Variants in PLD3 observed in about 807,000 individuals in gnomAD.
PLD3 encodes the protein 5'-3' exonuclease PLD3.
In PLD3, 31 loss-of-function variants were observed where a neutral mutation model predicts 58.4. The observed-to-expected ratio is 0.53, with a 90% confidence interval of 0.40 to 0.72. The LOEUF is 0.72. PLD3 is among the 30% of genes least tolerant of loss of function. The pLI, the probability that PLD3 is intolerant of heterozygous loss-of-function variation, is 0.00. For synonymous variants in PLD3, 264 were observed against 273.4 expected (o/e 0.97, Z 0.34); for missense variants, 595 against 659.8 (o/e 0.90, Z 1.08).
chr19:40,348,838 G>T (rs1263540866), intron 1 of PLD3, 70 bp downstream of exon 1: 2 of 175,444 alleles, frequency 1.1e-5, no homozygotes, highest in Admixed American at 1.3e-4. Context: ...TATAATGCAT[G>T]GAATATAATA....
rs888103351 is a variant in PLD3 at position 40,377,772 on chromosome 19, C to T, written c.1186-14C>T. On this transcript the variant is annotated splice_polypyrimidine_tract_variant and intron_variant, in intron 11 of 12. Transcript: ENST00000409735. ...TGCCTCTCACACTCCTTCCCATCCTCCCCTCCCACTCAGAAACTCTTTGTG... is the reference window on the plus strand; with the variant it reads ...TGCCTCTCACACTCCTTCCCATCCTTCCCTCCCACTCAGAAACTCTTTGTG... The T allele has an allele frequency of 1.9e-6, 3 of 1,603,630 alleles. No individual in the cohort carries two copies. The highest frequency in any genetic ancestry group is 2.7e-5 in the African/African-American group (2 of 74,620).
intron 1 of PLD3, among the ~76,000 whole-genome samples, chr19:40,353,146 T>A (rs1232469352): frequency 2.0e-5 from 3 of 152,052 alleles, no homozygotes; most frequent in Non-Finnish European, 4.4e-5. Context: ...AACTGAGCTC[T>A]GGGTTCAAAT....
chr19:40,369,122 C>A (rs2079002391), intron 6 of PLD3, among the ~76,000 whole-genome samples: 1 of 151,984 alleles, frequency 6.6e-6, no homozygotes, highest in Non-Finnish European at 1.5e-5. Flanking sequence ...GAAACCCTGT[C>A]TCTAAAAAAA....
chr19:40,376,811 T>C, intron 11 of PLD3, 37 bp downstream of exon 11: 1 of 1,579,762 alleles, frequency 6.3e-7, no homozygotes. Context: ...GGCCCCTGTG[T>C]GGGGCAGTCC....
At chr19:40,354,746 G>A (rs1427165275) in intron 1 of PLD3, among the ~76,000 whole-genome samples, 2 of 150,542 alleles carry the variant, frequency 1.3e-5, no homozygotes, top group African/African-American at 2.5e-5. Flanking sequence ...GGCTGGTCTC[G>A]AGCTCCTGAC....
At chr19:40,369,133 A>T (rs1317596349) in intron 6 of PLD3, among the ~76,000 whole-genome samples, 1 of 151,922 alleles carries the variant, frequency 6.6e-6, no homozygotes, top group African/African-American at 2.4e-5. Context: ...TCTAAAAAAA[A>T]ATTTTTTTAT....
chr19:40,368,275 C>T (rs930004907), intron 6 of PLD3, among the ~76,000 whole-genome samples: 2 of 152,170 alleles, frequency 1.3e-5, no homozygotes, highest in Non-Finnish European at 2.9e-5. Flanking sequence ...GCTTCAGTTT[C>T]TTTATCTGTA....
intron 1 of PLD3, among the ~76,000 whole-genome samples, chr19:40,353,873 T>C (rs1056602519): frequency 2.8e-4 from 43 of 151,460 alleles, no homozygotes; most frequent in Middle Eastern, 3.4e-3. Flanking sequence ...CCACCACACC[T>C]GGCCCTACCA....
chr19:40,373,190 C>A (rs2079108120), intron 9 of PLD3, among the ~76,000 whole-genome samples: 1 of 152,204 alleles, frequency 6.6e-6, no homozygotes, highest in South Asian at 2.1e-4. Context: ...TCATTGGGGT[C>A]TTTCACTACA....
rs778869175 is a variant in PLD3, at chr19:40,374,490, C to T, written c.889C>T (p.Pro297Ser). Residue 297 changes from proline to serine, a missense_variant, in exon 10 of 13, where the codon CCA becomes TCA. By Grantham distance (74) the Pro-to-Ser change is moderately conservative (BLOSUM62 -1). Coordinates refer to ENST00000409735, the MANE Select transcript of PLD3 (RefSeq NM_012268.4). The part of the protein sequence containing the change: ...PALAYLASAP[P>S]PLCPSGRTPD... ...GTCCCCTCGCCCTCAGAGTGCGCCC[C>T]CACCCCTGTGTCCAAGTGGCCGCAC... 1 of 1,613,992 alleles carries T rather than the reference C, an allele frequency of 6.2e-7. No individual in the cohort carries two copies. The highest frequency in any genetic ancestry group is 1.3e-5 in the African/African-American group (1 of 74,906).
intron 1 of PLD3, chr19:40,356,696 C>A (rs187008647): frequency 8.5e-5 from 13 of 152,572 alleles, no homozygotes; most frequent in African/African-American, 2.9e-4. Flanking sequence ...AAGGAGGTAT[C>A]TGGGGGGCCC....
chr19:40,369,335 C>T (rs560329697), intron 6 of PLD3, among the ~76,000 whole-genome samples: 1 of 152,074 alleles, frequency 6.6e-6, no homozygotes, highest in African/African-American at 2.4e-5. Flanking sequence ...GAAGATCAGC[C>T]TGGGCAACAT....
rs183324923 is a variant in PLD3, at chr19:40,352,721, G to A, written c.-279+3953G>A. 1.8e-3 allele frequency among the ~76,000 whole-genome samples: 281 copies of A among 152,304 alleles called. 2 individuals are homozygous for A. The highest frequency in any genetic ancestry group is 6.6e-3 in the African/African-American group (275 of 41,562). ...CTTATGCCTGTAATCCCAGCACTTT[G>A]AGAGGTTGAGGTAGGCAGATCACTT... On this transcript the variant is annotated intron_variant, in intron 1 of 12. Transcript: ENST00000409735.
At position 40,367,759 on chromosome 19, in the gene PLD3, T is replaced by G; in HGVS notation, c.309T>G (p.Pro103=). Residue 103 remains proline, a synonymous_variant, in exon 6 of 13, where the codon CCT becomes CCG. Coordinates refer to ENST00000409735, the MANE Select transcript of PLD3 (RefSeq NM_012268.4). Reference sequence around the variant, plus strand: ...TCCCCAATGCCTCCACGGGGAACCCTTCCACCAGCCAGGCCTGGCTGGGCC... The same window carrying G: ...TCCCCAATGCCTCCACGGGGAACCCGTCCACCAGCCAGGCCTGGCTGGGCC... The part of the protein sequence containing the change: ...LDFPNASTGN[P]STSQAWLGLL... 6.2e-7 allele frequency: 1 copy of G among 1,613,710 alleles called. No homozygotes were observed. Among genetic ancestry groups the G allele is most frequent in the Non-Finnish European group, 8.5e-7 (1 of 1,179,892 alleles).
In PLD3 at chr19:40,378,239, G is replaced by A. The variant is rs753659890; in HGVS notation, c.*66G>A. On this transcript the variant is annotated 3_prime_UTR_variant, in exon 13 of 13. Transcript: ENST00000409735. Reference sequence around the variant, plus strand: ...GCGGACCCAGGTGCTCTGGGTCACGGTCCCTGTCCCCGCGCCCCCGCTTCT... The same window carrying A: ...GCGGACCCAGGTGCTCTGGGTCACGATCCCTGTCCCCGCGCCCCCGCTTCT... 3 of 1,472,942 alleles carry A rather than the reference G, an allele frequency of 2.0e-6. No homozygotes were observed. Among genetic ancestry groups the A allele is most frequent in the South Asian group, 1.1e-5 (1 of 87,464 alleles). 91.2% of individuals were successfully genotyped at this position (1,472,942 alleles called of 1,614,324 possible).
At chr19:40,367,983 G>A (rs1305199572) in intron 6 of PLD3, 104 bp downstream of exon 6, 1 of 984,066 alleles carries the variant, frequency 1.0e-6, no homozygotes, top group Non-Finnish European at 1.5e-6. Flanking sequence ...GAGACAGAGG[G>A]GTGTGTCTCA....
chr19:40,377,171 G>A (rs2079235783), intron 11 of PLD3, among the ~76,000 whole-genome samples: 1 of 142,186 alleles, frequency 7.0e-6, no homozygotes, highest in Non-Finnish European at 1.5e-5. Context: ...CACAGGCAGA[G>A]GGGTCGGGGC....
chr19:40,348,915 A>G (rs1205790371), intron 1 of PLD3, 147 bp downstream of exon 1: 1 of 152,088 alleles, frequency 6.6e-6, no homozygotes, highest in East Asian at 1.9e-4. Context: ...TCCACGCTAT[A>G]ATTTATGTCG....
chr19:40,378,004 G>A lies in PLD3; in HGVS notation c.1304G>A (p.Gly435Asp), dbSNP rs374899032. 9.3e-6 allele frequency: 15 copies of A among 1,613,214 alleles called. No individual in the cohort carries two copies. Among genetic ancestry groups the A allele is most frequent in the Non-Finnish European group, 1.2e-5 (14 of 1,179,478 alleles). The change falls in exon 13 of 13, where the codon GGC (glycine) becomes GAC (aspartate). Residue 435 changes from glycine to aspartate, a missense_variant. Transcript: ENST00000409735. ...ATYIGTSNWS[G>D]NYFTETAGTS... ...TCTCTAGGAACCTCCAACTGGTCTG[G>A]CAACTACTTCACGGAGACGGCGGGC...
Sources: gnomAD v4.1 joint callset for allele counts (sites outside exome capture counted in the v4.1 genomes callset) on GRCh38, gnomAD v4.1.1 for gene constraint, MANE v1.5 for transcripts, NCBI Gene and HGNC (gene_info 2026-07-23, HGNC 2026-07-21) for gene names.